ZZZ3: variants seen among roughly 807,000 people sequenced by gnomAD.
The protein encoded by ZZZ3 is zinc finger ZZ-type containing 3.
Under a neutral mutation model 95.2 loss-of-function variants are expected in ZZZ3, and 22 were observed. The ratio of observed to expected loss-of-function variants is 0.23; its 90% CI spans 0.17 to 0.33. The LOEUF (loss-of-function observed/expected upper bound fraction) is 0.33. ZZZ3 is among the 10% of genes least tolerant of loss of function. The pLI, the probability that ZZZ3 is intolerant of heterozygous loss-of-function variation, is 1.00. For synonymous variants in ZZZ3, 335 were observed against 358.9 expected, an observed-to-expected ratio of 0.93 and a Z score of 0.75; for missense variants, 885 against 1,066.5, an observed-to-expected ratio of 0.83 and a Z score of 2.37.
At position 77,581,049 on chromosome 1, in the gene ZZZ3, A is replaced by G. The variant is rs1662463684; in HGVS notation, c.1929T>C (p.Cys643=). The G allele has an allele frequency of 2.5e-6, 4 of 1,614,124 alleles. No homozygotes were observed. Among genetic ancestry groups the G allele is most frequent in the Non-Finnish European group, 3.4e-6 (4 of 1,179,960 alleles). The part of the protein sequence containing the change: ...SRPQMIRGRL[C]DDTKPETFNQ... ...TAAATGTTTCAGGTTTGGTATCATCACACAAGCGTCCTCTTATCATCTGCA... is the reference window on the plus strand; with the variant it reads ...TAAATGTTTCAGGTTTGGTATCATCGCACAAGCGTCCTCTTATCATCTGCA... Residue 643 remains cysteine (C), a synonymous_variant, in exon 9 of 15, where the codon TGT becomes TGC. Transcript: ENST00000370801.
At chr1:77,655,962 A>C (rs1222424114) in intron 1 of ZZZ3, among the ~76,000 whole-genome samples, 1 of 152,234 alleles carries the variant, frequency 6.6e-6, no homozygotes, top group Non-Finnish European at 1.5e-5. Context: ...AGTTTAGCAC[A>C]CACAGTGTAC....
chr1:77,613,707 T>C (rs1666032305), intron 5 of ZZZ3, among the ~76,000 whole-genome samples: 1 of 152,108 alleles, frequency 6.6e-6, no homozygotes, highest in Non-Finnish European at 1.5e-5. Context: ...TTCTCTTTTC[T>C]CCTGACCTTC....
Position 77,582,140 on chromosome 1 carries a change from A to G in ZZZ3, c.1645-14T>C. ...CCCAATATCAGCCTGGAGGCAGGGG[A>G]GAAAAAACAAAATAAAGTAAAAGTC... On this transcript the variant is annotated splice_polypyrimidine_tract_variant and intron_variant, in intron 6 of 14. Transcript: ENST00000370801. The G allele has an allele frequency of 6.4e-7, 1 of 1,573,944 alleles. No homozygotes were observed. The highest frequency in any genetic ancestry group is 1.2e-5 in the South Asian group (1 of 82,828).
chr1:77,664,340 T>C (rs1022713668), intron 1 of ZZZ3, among the ~76,000 whole-genome samples: 12 of 152,162 alleles, frequency 7.9e-5, no homozygotes, highest in Non-Finnish European at 1.6e-4. Context: ...AAACTCTTAT[T>C]CCTCAAAGGC....
At chr1:77,626,747 A>G (rs182843792) in intron 5 of ZZZ3, among the ~76,000 whole-genome samples, 270 of 152,310 alleles carry the variant, frequency 1.8e-3, no homozygotes, top group Non-Finnish European at 2.3e-3. Context: ...GAGAAGGTAC[A>G]CCAAGCATGA....
intron 1 of ZZZ3, among the ~76,000 whole-genome samples, chr1:77,650,511 C>G (rs1411609851): frequency 6.6e-6 from 1 of 151,672 alleles, no homozygotes; most frequent in Non-Finnish European, 1.5e-5. Context: ...CTAAATGACC[C>G]ATAAGTCAAA....
intron 11 of ZZZ3, among the ~76,000 whole-genome samples, chr1:77,578,325 C>A (rs1662169648): frequency 6.6e-6 from 1 of 152,176 alleles, no homozygotes; most frequent in African/African-American, 2.4e-5. Context: ...CCTCGTGCCT[C>A]AGCCTCCCAA....
At chr1:77,674,739 G>C (rs866506126) in intron 1 of ZZZ3, among the ~76,000 whole-genome samples, 4 of 151,942 alleles carry the variant, frequency 2.6e-5, no homozygotes, top group South Asian at 2.1e-4. Flanking sequence ...ATCACTTGAG[G>C]TCAGGAGTTC....
At chr1:77,656,967 C>A (rs1670321981) in intron 1 of ZZZ3, among the ~76,000 whole-genome samples, 2 of 152,094 alleles carry the variant, frequency 1.3e-5, no homozygotes, top group African/African-American at 4.8e-5. Flanking sequence ...TATTTAAAAA[C>A]ACTTTTATTT....
chr1:77,621,977 T>C (rs1480888118), intron 5 of ZZZ3, among the ~76,000 whole-genome samples: 1 of 152,074 alleles, frequency 6.6e-6, no homozygotes, highest in Non-Finnish European at 1.5e-5. Context: ...ATAATCTTAA[T>C]TATGTTTTGA....
rs191658617 is a variant in ZZZ3 at position 77,596,791 on chromosome 1, T to C, written c.1506-12136A>G. On this transcript the variant is annotated intron_variant, in intron 5 of 14. Coordinates refer to ENST00000370801, the MANE Select transcript of ZZZ3 (RefSeq NM_015534.6). ...TTAAATAGTTGACAGGTGGCCAGGA[T>C]TGCCACTTCTGGAGTGGAATTGTAC... Among the ~76,000 whole-genome samples the C allele has an allele frequency of 1.3e-3, 199 of 152,214 alleles. 1 individual carries two copies. The highest frequency in any genetic ancestry group is 3.2e-3 in the African/African-American group (134 of 41,558).
In ZZZ3 at chr1:77,584,582, A is replaced by C. The variant is rs762089478; in HGVS notation, c.1579T>G (p.Leu527Val). The change falls in exon 6 of 15, where the codon TTA becomes GTA. Residue 527 changes from leucine to valine, a missense_variant. Physicochemically the swap from Leu to Val is conservative, Grantham distance 32. Coordinates refer to ENST00000370801, the MANE Select transcript of ZZZ3 (RefSeq NM_015534.6). Reference sequence around the variant, plus strand: ...AGTGCTTCTCTCTGGTGCCTGCCTAAACTTTCAAGGTCTTGGACTGCTTGA... The same window carrying C: ...AGTGCTTCTCTCTGGTGCCTGCCTACACTTTCAAGGTCTTGGACTGCTTGA... The part of the protein sequence containing the change: ...RSQAVQDLES[L>V]GRHQREALKN... 3 of 1,613,444 alleles carry C rather than the reference A, an allele frequency of 1.9e-6. No homozygotes were observed. The highest frequency in any genetic ancestry group is 2.5e-6 in the Non-Finnish European group (3 of 1,179,738).
chr1:77,608,077 C>T (rs993931144), intron 5 of ZZZ3, among the ~76,000 whole-genome samples: 2 of 152,046 alleles, frequency 1.3e-5, no homozygotes, highest in African/African-American at 2.4e-5. Context: ...CAAAGAAAGA[C>T]ATAGGGGTAG....
chr1:77,582,293 A>G (rs1662602184), intron 6 of ZZZ3, among the ~76,000 whole-genome samples, 167 bp from the exon 7 acceptor site: 1 of 152,238 alleles, frequency 6.6e-6, no homozygotes, highest in African/African-American at 2.4e-5. Flanking sequence ...TATAGTCTAA[A>G]TATTAAATGC....
intron 1 of ZZZ3, among the ~76,000 whole-genome samples, chr1:77,670,784 A>G (rs1671710430): frequency 6.6e-6 from 1 of 151,974 alleles, no homozygotes; most frequent in African/African-American, 2.4e-5. Flanking sequence ...CCTGACAAAC[A>G]GCCAGGGAAG....
At chr1:77,639,105 G>A (rs768750106) in intron 4 of ZZZ3, among the ~76,000 whole-genome samples, 6 of 151,830 alleles carry the variant, frequency 4.0e-5, no homozygotes, top group South Asian at 2.1e-4. Flanking sequence ...GCAGATAAGC[G>A]GACAGTCAGA....
At chr1:77,642,274 G>C (rs548867795) in intron 1 of ZZZ3, among the ~76,000 whole-genome samples, 1 of 152,230 alleles carries the variant, frequency 6.6e-6, no homozygotes, top group Non-Finnish European at 1.5e-5. Context: ...ATGACCAAAA[G>C]CACCGTACAG....
intron 5 of ZZZ3, among the ~76,000 whole-genome samples, chr1:77,629,268 C>T (rs749634643): frequency 1.2e-4 from 19 of 152,054 alleles, no homozygotes; most frequent in Admixed American, 3.3e-4. Flanking sequence ...CATGATACTC[C>T]ATCTCATTTC....
At chr1:77,637,609 C>G (rs1323238976) in intron 4 of ZZZ3, among the ~76,000 whole-genome samples, 1 of 152,182 alleles carries the variant, frequency 6.6e-6, no homozygotes, top group African/African-American at 2.4e-5. Context: ...AAGAGGATCA[C>G]TTGAGCCCAG....
Sources: allele counts gnomAD v4.1 joint callset (sites outside exome capture counted in the v4.1 genomes callset), GRCh38; gene constraint gnomAD v4.1.1; transcripts MANE v1.5; gene names NCBI Gene and HGNC (gene_info 2026-07-23, HGNC 2026-07-21).